The following ARL15 variants were observed in gnomAD, a reference collection of about 807,000 sequenced individuals.
The protein encoded by ARL15 is ADP-ribosylation factor-like protein 15.
ARL15 carries 19 observed loss-of-function variants against 25.2 expected under a neutral mutation model. The observed-to-expected ratio is 0.75, with a 90% CI of 0.53 to 1.10. The LOEUF is 1.10. Ranked by LOEUF, ARL15 falls within the 50% of genes least tolerant of loss-of-function variation. ARL15 has a pLI of 0.00. For missense variants in ARL15, 220 were observed against 246.0 expected (o/e 0.89, Z 0.71); for synonymous variants, 94 against 86.8 (o/e 1.08, Z -0.46).
chr5:54,075,088 A>AAAAAAAAAAAAAAAAT (rs1751554448), intron 4 of ARL15, among the ~76,000 whole-genome samples: 1 of 150,436 alleles, frequency 6.6e-6, no homozygotes, highest in African/African-American at 2.4e-5. Flanking sequence ...AAAAAAAAAA[A>AAAAAAAAAAAAAAAAT]AAAAGTCCTG....
intron 4 of ARL15, among the ~76,000 whole-genome samples, chr5:54,069,578 A>AAAC (rs1751353775): frequency 1.3e-5 from 2 of 148,694 alleles, no homozygotes; most frequent in African/African-American, 4.9e-5. Flanking sequence ...AAAAAAAAAA[A>AAAC]AAAAAACCAC....
In ARL15 at chr5:54,082,817, T is replaced by C. The variant is rs1751845607; in HGVS notation, c.462+30385A>G. Among the ~76,000 whole-genome samples, 4 of 152,220 alleles carry C rather than the reference T, an allele frequency of 2.6e-5. No homozygotes were observed. In the South Asian group the frequency reaches 8.3e-4, roughly 32 times the overall value. On this transcript the variant is annotated intron_variant, in intron 4 of 4. Coordinates refer to ENST00000504924, the MANE Select transcript of ARL15 (RefSeq NM_019087.3). The stretch of plus-strand genomic sequence containing the variant: ...TAGATGCAAAATCACCTTTTGATTA[T>C]ATGCAAATTTGTCAAATTTTTCCAT...
At chr5:54,285,271 G>A (rs1262458525) in intron 1 of ARL15, 1 of 643,986 alleles carries the variant, frequency 1.6e-6, no homozygotes, top group Non-Finnish European at 1.9e-6. Flanking sequence ...CTGTTTAAGA[G>A]AGGTCTATAG....
chr5:54,078,659 A>T (rs1345332615), intron 4 of ARL15, among the ~76,000 whole-genome samples: 1 of 152,202 alleles, frequency 6.6e-6, no homozygotes, highest in Admixed American at 6.5e-5. Flanking sequence ...AGCTAAAATG[A>T]CTATTCTCGC....
At chr5:54,225,189 G>A (rs766616342) in intron 1 of ARL15, among the ~76,000 whole-genome samples, 2 of 152,098 alleles carry the variant, frequency 1.3e-5, no homozygotes, top group African/African-American at 2.4e-5. Context: ...TCATCCTTCT[G>A]CCAAGATGGG....
intron 1 of ARL15, among the ~76,000 whole-genome samples, chr5:54,257,213 C>T (rs1022901881): frequency 5.3e-5 from 8 of 152,200 alleles, no homozygotes; most frequent in Non-Finnish European, 1.0e-4. Context: ...TTACACAAAT[C>T]AGTAGCACTG....
At chr5:53,965,908 C>T (rs984637960) in intron 4 of ARL15, among the ~76,000 whole-genome samples, 2 of 152,102 alleles carry the variant, frequency 1.3e-5, no homozygotes, top group African/African-American at 2.4e-5. Flanking sequence ...TGGGGAACAT[C>T]GACAAACTCT....
At chr5:54,258,890 G>C (rs1404734250) in intron 1 of ARL15, among the ~76,000 whole-genome samples, 1 of 152,210 alleles carries the variant, frequency 6.6e-6, no homozygotes, top group Non-Finnish European at 1.5e-5. Context: ...CATGATGCCA[G>C]AGGTGGTTGC....
At chr5:53,916,420 A>G (rs1745649332) in intron 4 of ARL15, among the ~76,000 whole-genome samples, 1 of 140,592 alleles carries the variant, frequency 7.1e-6, no homozygotes, top group African/African-American at 2.7e-5. Context: ...TACCTGGGTG[A>G]CAAAATGATT....
At chr5:54,297,815 C>T (rs1448981931) in intron 1 of ARL15, among the ~76,000 whole-genome samples, 1 of 152,144 alleles carries the variant, frequency 6.6e-6, no homozygotes, top group East Asian at 1.9e-4. Context: ...CGGAGTCTCG[C>T]TCTGTCGCCC....
chr5:53,939,284 G>A (rs540501253), intron 4 of ARL15, among the ~76,000 whole-genome samples: 10 of 152,204 alleles, frequency 6.6e-5, no homozygotes, highest in East Asian at 1.9e-4. Flanking sequence ...CCTATCTTCT[G>A]TCTCTTCCCC....
At position 53,895,636 on chromosome 5, in the gene ARL15, C is replaced by G. The variant is rs78777550; in HGVS notation, c.463-8923G>C. Among the ~76,000 whole-genome samples the G allele has an allele frequency of 2.9e-3, 434 of 152,218 alleles. 2 individuals are homozygous for G. The highest frequency in any genetic ancestry group is 1.0e-2 in the African/African-American group (415 of 41,536). On this transcript the variant is annotated intron_variant, in intron 4 of 4. Transcript: ENST00000504924. ...TTTGTTAAATTTACACCACCTGAAG[C>G]CTAGCTTTTCCTGAAATTTTTGTGT...
intron 1 of ARL15, among the ~76,000 whole-genome samples, chr5:54,240,313 T>C (rs1382871095): frequency 6.6e-6 from 1 of 150,850 alleles, no homozygotes; most frequent in Admixed American, 6.6e-5. Flanking sequence ...TCAAAAGGTG[T>C]CATTAAATCA....
At chr5:54,194,586 T>C (rs1755500178) in intron 1 of ARL15, among the ~76,000 whole-genome samples, 2 of 152,196 alleles carry the variant, frequency 1.3e-5, no homozygotes, top group Admixed American at 6.5e-5. Context: ...CAGCTGGCTG[T>C]ACTTTCCAGC....
At chr5:54,015,335 A>C (rs1749394849) in intron 4 of ARL15, among the ~76,000 whole-genome samples, 1 of 151,942 alleles carries the variant, frequency 6.6e-6, no homozygotes, top group South Asian at 2.1e-4. Context: ...ACAAACAAAC[A>C]AAAAAACACA....
chr5:54,042,197 C>T (rs1213649387), intron 4 of ARL15, among the ~76,000 whole-genome samples: 2 of 152,130 alleles, frequency 1.3e-5, no homozygotes, highest in Admixed American at 6.5e-5. Context: ...TCTTGAACTC[C>T]TAACCTCATG....
chr5:54,027,097 T>C (rs1749805684), intron 4 of ARL15, among the ~76,000 whole-genome samples: 1 of 152,150 alleles, frequency 6.6e-6, no homozygotes. Context: ...TTTAAATGAG[T>C]GGGTTTGTGG....
intron 1 of ARL15, among the ~76,000 whole-genome samples, chr5:54,231,750 T>C (rs1756677855): frequency 6.6e-6 from 1 of 152,216 alleles, no homozygotes; most frequent in African/African-American, 2.4e-5. Context: ...TCACATGGCC[T>C]TTCCTTGGTG....
rs577561623 is a variant in ARL15, at chr5:54,062,225, C to T, written c.462+50977G>A. On this transcript the variant is annotated intron_variant, in intron 4 of 4. Coordinates refer to ENST00000504924, the MANE Select transcript of ARL15 (RefSeq NM_019087.3). ...CAGGCTCATAGGTGGAAGGGGTTTG[C>T]CTTGTCTCAAATGAGGCTTTGGACA... 8.5e-5 allele frequency among the ~76,000 whole-genome samples: 13 copies of T among 152,216 alleles called. No individual in the cohort carries two copies. In the South Asian group the frequency reaches 2.7e-3, roughly 32 times the overall value.
Sources: allele counts gnomAD v4.1 joint callset (sites outside exome capture counted in the v4.1 genomes callset), GRCh38; gene constraint gnomAD v4.1.1; transcripts MANE v1.5; gene names NCBI Gene and HGNC (gene_info 2026-07-23, HGNC 2026-07-21).